Variants in SCRN1 observed in about 807,000 individuals in gnomAD.
SCRN1 encodes the protein secernin 1.
A neutral mutation model predicts 43.3 loss-of-function variants in SCRN1; 19 were observed. That is an observed-to-expected ratio of 0.44 (90% CI 0.31 to 0.64). The LOEUF (loss-of-function observed/expected upper bound fraction) is 0.64. SCRN1 is among the 30% of genes least tolerant of loss of function. The probability of loss-of-function intolerance (pLI) is 0.09; values close to 1 mark genes in which losing one functional copy is unlikely to be tolerated. For missense variants in SCRN1, 447 were observed against 524.1 expected (o/e 0.85, Z 1.44); for synonymous variants, 183 against 188.9 (o/e 0.97, Z 0.26).
At chr7:29,937,632 T>C (rs1170574199) in intron 5 of SCRN1, among the ~76,000 whole-genome samples, 2 of 152,184 alleles carry the variant, frequency 1.3e-5, no homozygotes. Context: ...TTGGAGAATG[T>C]CCTCTCTGCG....
At chr7:29,944,322 T>C in intron 3 of SCRN1, 143 bp from the exon 4 acceptor site, 1 of 688,610 alleles carries the variant, frequency 1.5e-6, no homozygotes, top group Non-Finnish European at 2.5e-6. Flanking sequence ...ATAAGCAAAC[T>C]GATTAACTGC....
At chr7:29,935,465 T>A (rs1245250425) in intron 6 of SCRN1, among the ~76,000 whole-genome samples, 2 of 152,206 alleles carry the variant, frequency 1.3e-5, no homozygotes, top group Non-Finnish European at 2.9e-5. Flanking sequence ...TTTCAGACAC[T>A]GATAATGATG....
Position 29,922,232 on chromosome 7 carries a change from T to A in SCRN1, c.*1725A>T, listed in dbSNP as rs951464832. 1 of 152,216 alleles carries A rather than the reference T, an allele frequency of 6.6e-6. No homozygotes were observed. The highest frequency in any genetic ancestry group is 2.4e-5 in the African/African-American group (1 of 41,442). 9.4% of individuals were successfully genotyped at this position (152,216 alleles called of 1,614,324 possible). ...CTTCCCATCACCCACAATGTGTGGT[T>A]AATGATTTTATATACAGAGTTTACA... On this transcript the variant is annotated 3_prime_UTR_variant, in exon 8 of 8. Transcript: ENST00000242059.
At chr7:29,989,046 A>G (rs1054599035) in intron 1 of SCRN1, 3 of 151,994 alleles carry the variant, frequency 2.0e-5, no homozygotes, top group Non-Finnish European at 4.4e-5. Flanking sequence ...AGTTGTGTCA[A>G]GTCCCACGCG....
At chr7:29,933,739 AGT>A (rs1330292529) in intron 6 of SCRN1, among the ~76,000 whole-genome samples, 4 of 150,376 alleles carry the variant, frequency 2.7e-5, no homozygotes, top group African/African-American at 9.9e-5. Context: ...GGAGGGAGGG[AGT>A]AGAAAAGAGG....
At chr7:29,971,633 CAAAA>C (rs397889529) in intron 1 of SCRN1, among the ~76,000 whole-genome samples, 1 of 68,308 alleles carries the variant, frequency 1.5e-5, no homozygotes, top group Admixed American at 1.6e-4. Flanking sequence ...GACCCTGTCT[CAAAA>C]AAAAAAAAAA....
intron 5 of SCRN1, among the ~76,000 whole-genome samples, chr7:29,938,019 G>C (rs1787398422): frequency 6.6e-6 from 1 of 151,934 alleles, no homozygotes; most frequent in Admixed American, 6.6e-5. Context: ...TCTGCCTCTT[G>C]TTTTTTCCCC....
chr7:29,920,395 A>C lies in SCRN1; in HGVS notation c.*3562T>G, dbSNP rs1786714546. 1 of 152,160 alleles carries C rather than the reference A, an allele frequency of 6.6e-6. No homozygotes were observed. Among genetic ancestry groups the C allele is most frequent in the African/African-American group, 2.4e-5 (1 of 41,418 alleles). The allele number at this position is 152,160 out of a possible 1,614,324, so 9.4% of individuals were successfully genotyped here. Reference sequence around the variant, plus strand: ...GCAGGTGACATTTCGGGATGTTTGGAGTCAATCAGATAAAGCACATTATGA... The same window carrying C: ...GCAGGTGACATTTCGGGATGTTTGGCGTCAATCAGATAAAGCACATTATGA... On this transcript the variant is annotated 3_prime_UTR_variant, in exon 8 of 8. Transcript: ENST00000242059.
intron 2 of SCRN1, among the ~76,000 whole-genome samples, chr7:29,955,661 C>T (rs563085502): frequency 6.6e-6 from 1 of 152,316 alleles, no homozygotes; most frequent in East Asian, 1.9e-4. Flanking sequence ...TCAACAGGCA[C>T]AGGCGGCTGC....
intron 3 of SCRN1, among the ~76,000 whole-genome samples, chr7:29,952,244 T>G (rs542461697): frequency 7.2e-5 from 11 of 152,348 alleles, no homozygotes; most frequent in African/African-American, 2.4e-4. Context: ...ACAATTTACA[T>G]TTCTAGCAAG....
At position 29,961,223 on chromosome 7, in the gene SCRN1, G is replaced by T. The variant is rs1460199820; in HGVS notation, c.160-5863C>A. Among the ~76,000 whole-genome samples the T allele has an allele frequency of 2.8e-5, 4 of 143,704 alleles. No homozygotes were observed. The East Asian group carries it at 8.1e-4, about 29-fold the overall frequency. 94.3% of individuals were successfully genotyped at this position (143,704 alleles called of 152,430 possible). On this transcript the variant is annotated intron_variant, in intron 2 of 7. Coordinates refer to ENST00000242059, the MANE Select transcript of SCRN1 (RefSeq NM_014766.5). Reference sequence around the variant, plus strand: ...TAGGCAGAGGACCCTGCGGCCTTCCGCGGTGTTTGTGTCCCTGATTACTTG... The same window carrying T: ...TAGGCAGAGGACCCTGCGGCCTTCCTCGGTGTTTGTGTCCCTGATTACTTG...
intron 1 of SCRN1, among the ~76,000 whole-genome samples, chr7:29,970,338 T>C (rs961928565): frequency 2.6e-5 from 4 of 152,144 alleles, no homozygotes; most frequent in African/African-American, 9.7e-5. Context: ...CCTCTGCACA[T>C]GCTCCATCCT....
intron 3 of SCRN1, among the ~76,000 whole-genome samples, chr7:29,952,614 TG>T (rs1363178575): frequency 6.6e-6 from 1 of 151,494 alleles, no homozygotes; most frequent in East Asian, 1.9e-4. Flanking sequence ...CGCTTGAACC[TG>T]GGAGGCGGAG....
chr7:29,934,134 T>C, intron 6 of SCRN1, among the ~76,000 whole-genome samples: 1 of 152,240 alleles, frequency 6.6e-6, no homozygotes, highest in Admixed American at 6.5e-5. Context: ...TCTTTTACCA[T>C]GGAAGATAAC....
intron 1 of SCRN1, among the ~76,000 whole-genome samples, chr7:29,973,058 T>A (rs1465896553): frequency 6.6e-6 from 1 of 152,198 alleles, no homozygotes; most frequent in Non-Finnish European, 1.5e-5. Context: ...GTCCTCTTAT[T>A]CTAAGGACAA....
chr7:29,982,656 C>A (rs1286468078), intron 1 of SCRN1, among the ~76,000 whole-genome samples: 5 of 145,970 alleles, frequency 3.4e-5, no homozygotes, highest in African/African-American at 1.3e-4. Context: ...GCACTGCAGC[C>A]TGGACAACAG....
chr7:29,969,497 T>A (rs1314190555), intron 1 of SCRN1, among the ~76,000 whole-genome samples: 1 of 152,180 alleles, frequency 6.6e-6, no homozygotes, highest in Non-Finnish European at 1.5e-5. Context: ...AGCCACCACA[T>A]AACAGATTTG....
Position 29,921,287 on chromosome 7 carries a change from C to T in SCRN1, c.*2670G>A, listed in dbSNP as rs2128084187. ...GTATTTCATCTTGAATATTCATGTT[C>T]CCTATACTGCCTTCAGAAAAGCAAT... On this transcript the variant is annotated 3_prime_UTR_variant, in exon 8 of 8. Transcript: ENST00000242059. The T allele has an allele frequency of 6.5e-6, 1 of 152,716 alleles. No individual in the cohort carries two copies. Among genetic ancestry groups the T allele is most frequent in the Non-Finnish European group, 1.5e-5 (1 of 68,042 alleles). 9.5% of individuals were successfully genotyped at this position (152,716 alleles called of 1,614,324 possible). A position where few individuals can be genotyped will look rare whatever the true frequency, so the allele number is the denominator to read the frequency against.
rs1789104131 is a variant in SCRN1 at position 29,984,914 on chromosome 7, G to A, written c.-2+4728C>T. On this transcript the variant is annotated intron_variant, in intron 1 of 7. Coordinates refer to ENST00000242059, the MANE Select transcript of SCRN1 (RefSeq NM_014766.5). ...AGCCTGGGTGACAGAGCTAGACTCTGTCTCAAAAAAAAAAAAAAAGAATTA... is the reference window on the plus strand; with the variant it reads ...AGCCTGGGTGACAGAGCTAGACTCTATCTCAAAAAAAAAAAAAAAGAATTA... Among the ~76,000 whole-genome samples, 3 of 130,228 alleles carry A rather than the reference G, an allele frequency of 2.3e-5. 1 individual carries two copies. Among genetic ancestry groups the A allele is most frequent in the African/African-American group, 6.0e-5 (2 of 33,572 alleles). The allele number at this position is 130,228 out of a possible 152,430, so 85.4% of individuals were successfully genotyped here. A position where few individuals can be genotyped will look rare whatever the true frequency, so the allele number is the denominator to read the frequency against.
Sources: gnomAD v4.1 joint callset for allele counts (sites outside exome capture counted in the v4.1 genomes callset) on GRCh38, gnomAD v4.1.1 for gene constraint, MANE v1.5 for transcripts, NCBI Gene and HGNC (gene_info 2026-07-23, HGNC 2026-07-21) for gene names.